ABT1: variants seen among roughly 807,000 people sequenced by gnomAD.
ABT1 encodes the protein activator of basal transcription 1, also known as TATA-binding protein-binding protein.
In ABT1, 13 loss-of-function variants were observed where a neutral mutation model predicts 14.0. That is an observed-to-expected ratio of 0.93 (90% confidence interval 0.61 to 1.48). The LOEUF is 1.48. Ranked by LOEUF, ABT1 falls within the 40% of genes most tolerant of loss-of-function variation. The pLI is 0.00. For missense variants in ABT1, 430 were observed against 380.0 expected (o/e 1.13, Z -1.09); for synonymous variants, 165 against 144.6 (o/e 1.14, Z -1.01).
Position 26,600,575 on chromosome 6 carries a change from C to T in ABT1, c.*1930C>T, listed in dbSNP as rs1561911102. 6.6e-6 allele frequency: 1 copy of T among 152,172 alleles called. No homozygotes were observed. The highest frequency in any genetic ancestry group is 1.5e-5 in the Non-Finnish European group (1 of 68,026). 9.4% of individuals were successfully genotyped at this position (152,172 alleles called of 1,614,324 possible). ...TGGGTGGAAGAAAATATCCTAGGAA[C>T]TTTCATCTTGACTTTAAGCCCATTG... is the stretch of plus-strand genomic sequence containing the variant. On this transcript the variant is annotated 3_prime_UTR_variant, in exon 3 of 3. Coordinates refer to ENST00000274849, the MANE Select transcript of ABT1 (RefSeq NM_013375.4).
Position 26,597,143 on chromosome 6 carries a change from C to T in ABT1, c.161C>T (p.Pro54Leu), listed in dbSNP as rs781843884. ...GGTATTGTGTACCTGGGCCATATCC[C>T]GCCGCGCTTCCGGCCCCTGCACGTC... ...VPGIVYLGHI[P>L]PRFRPLHVRN... Residue 54 changes from proline to leucine, a missense_variant, in exon 1 of 3, where the codon CCG (proline) becomes CTG (leucine). Pro to Leu is a moderately conservative substitution (Grantham distance 98). Transcript: ENST00000274849. 6.2e-7 allele frequency: 1 copy of T among 1,614,198 alleles called. No individual in the cohort carries two copies.
Position 26,598,603 on chromosome 6 carries a change from C to T in ABT1, c.777C>T (p.Pro259=). 6.3e-7 allele frequency: 1 copy of T among 1,594,180 alleles called. No individual in the cohort carries two copies. Among genetic ancestry groups the T allele is most frequent in the African/African-American group, 1.3e-5 (1 of 74,600 alleles). ...LLARIFGAPP[P]SESMEGPSLV... ...CCAGGATCTTTGGAGCCCCGCCACCCTCAGAGAGCATGGAGGGACCTTCCC... is the reference window on the plus strand; with the variant it reads ...CCAGGATCTTTGGAGCCCCGCCACCTTCAGAGAGCATGGAGGGACCTTCCC... Residue 259 remains proline, a synonymous_variant, in exon 3 of 3, where the codon CCC becomes CCT. Transcript: ENST00000274849.
At chr6:26,597,293 C>T in intron 1 of ABT1, 70 bp downstream of exon 1, 4 of 1,568,576 alleles carry the variant, frequency 2.6e-6, no homozygotes, top group Non-Finnish European at 3.5e-6. Flanking sequence ...GCATGCATGT[C>T]CTGTTGCTTC....
At chr6:26,597,725 T>A (rs947867661) in intron 1 of ABT1, among the ~76,000 whole-genome samples, 189 bp from the exon 2 acceptor site, 5 of 151,504 alleles carry the variant, frequency 3.3e-5, no homozygotes, top group Non-Finnish European at 1.5e-5. Context: ...GATTAAGGAG[T>A]GGACAATTAA....
At position 26,598,042 on chromosome 6, in the gene ABT1, A is replaced by G. The variant is rs782002448; in HGVS notation, c.370A>G (p.Ser124Gly). ...GCGCATAGCCAAGCGCGTGGCGGCC[A>G]GTCTACACAACACGCCTATGGGTGC... ...DKRIAKRVAA[S>G]LHNTPMGARR... Residue 124 changes from serine (S) to glycine (G), a missense_variant, in exon 2 of 3, where the codon AGT becomes GGT. Coordinates refer to ENST00000274849, the MANE Select transcript of ABT1 (RefSeq NM_013375.4). 2.5e-6 allele frequency: 4 copies of G among 1,614,200 alleles called. No individual in the cohort carries two copies. The Admixed American group carries it at 5.0e-5, about 20-fold the overall frequency.
rs1581470869 is a variant in ABT1 at position 26,599,784 on chromosome 6, A to G, written c.*1139A>G. The G allele has an allele frequency of 6.6e-6, 1 of 152,168 alleles. No individual in the cohort carries two copies. Among genetic ancestry groups the G allele is most frequent in the East Asian group, 1.9e-4 (1 of 5,198 alleles). The allele number at this position is 152,168 out of a possible 1,614,324, so 9.4% of individuals were successfully genotyped here. On this transcript the variant is annotated 3_prime_UTR_variant, in exon 3 of 3. Transcript: ENST00000274849. ...GTGTAAGCCACTAAAAGGAACTGAAAACCTAGGTGTCACAATAAACAGTCT... is the reference window on the plus strand; with the variant it reads ...GTGTAAGCCACTAAAAGGAACTGAAGACCTAGGTGTCACAATAAACAGTCT...
In ABT1 at chr6:26,598,908, G is replaced by T; in HGVS notation, c.*263G>T. On this transcript the variant is annotated 3_prime_UTR_variant, in exon 3 of 3. Coordinates refer to ENST00000274849, the MANE Select transcript of ABT1 (RefSeq NM_013375.4). The stretch of plus-strand genomic sequence containing the variant: ...TGCTTGTTTTGTTTGACTCTTGGCT[G>T]CCTACGTCTGTAGGGTCCCCTGAAA... 1 of 360,230 alleles carries T rather than the reference G, an allele frequency of 2.8e-6. No homozygotes were observed. The allele number at this position is 360,230 out of a possible 1,614,324, so 22.3% of individuals were successfully genotyped here.
At chr6:26,597,686 C>G (rs1402423532) in intron 1 of ABT1, among the ~76,000 whole-genome samples, 1 of 152,064 alleles carries the variant, frequency 6.6e-6, no homozygotes, top group Non-Finnish European at 1.5e-5. Flanking sequence ...GGACTTGTGC[C>G]GGTTTTAAGC....
Position 26,598,571 on chromosome 6 carries a change from C to T in ABT1, c.745C>T (p.Leu249Phe). The change falls in exon 3 of 3, where the codon CTC becomes TTC. Residue 249 changes from leucine to phenylalanine, a missense_variant. Leu to Phe is a conservative substitution (Grantham distance 22). Coordinates refer to ENST00000274849, the MANE Select transcript of ABT1 (RefSeq NM_013375.4). ...GGACAAGGCCCGCTCCAACAAAGGG[C>T]TCCTGGCCAGGATCTTTGGAGCCCC... ...AQDKARSNKGLLARIFGAPPP... is the reference protein window; with the variant it reads ...AQDKARSNKGFLARIFGAPPP... The T allele has an allele frequency of 3.1e-6, 5 of 1,605,756 alleles. No homozygotes were observed. Among genetic ancestry groups the T allele is most frequent in the Non-Finnish European group, 4.3e-6 (5 of 1,173,782 alleles).
chr6:26,597,889 AC>A (rs1554144667), intron 1 of ABT1, 24 bp from the exon 2 acceptor site: 1 of 1,593,474 alleles, frequency 6.3e-7, no homozygotes, highest in Admixed American at 1.7e-5. Flanking sequence ...GGCGTCCTGG[AC>A]GGGTCTTTGT....
rs972992799 is a variant in ABT1 at position 26,597,891 on chromosome 6, G to A, written c.242-23G>A. ...TGAGTGCTGCATAGGCGTCCTGGAC[G>A]GGTCTTTGTCTTTGGCGCGCAGACC... On this transcript the variant is annotated intron_variant, in intron 1 of 2. Coordinates refer to ENST00000274849, the MANE Select transcript of ABT1 (RefSeq NM_013375.4). 12 of 1,594,650 alleles carry A rather than the reference G, an allele frequency of 7.5e-6. No individual in the cohort carries two copies. The Middle Eastern group carries it at 5.0e-4, about 67-fold the overall frequency.
Position 26,598,675 on chromosome 6 carries a change from C to T in ABT1, c.*30C>T. 1.3e-6 allele frequency: 2 copies of T among 1,512,648 alleles called. No homozygotes were observed. Among genetic ancestry groups the T allele is most frequent in the Non-Finnish European group, 1.8e-6 (2 of 1,132,756 alleles). 93.7% of individuals were successfully genotyped at this position (1,512,648 alleles called of 1,614,324 possible). A position where few individuals can be genotyped will look rare whatever the true frequency, so the allele number is the denominator to read the frequency against. On this transcript the variant is annotated 3_prime_UTR_variant, in exon 3 of 3. Coordinates refer to ENST00000274849, the MANE Select transcript of ABT1 (RefSeq NM_013375.4). ...CTGGGTGGCCCCTTCCATTTCCTGG[C>T]CCTGCTCTGCTTCCTGTCTACCTCA...
At position 26,597,968 on chromosome 6, in the gene ABT1, G is replaced by T; in HGVS notation, c.296G>T (p.Arg99Leu). The change falls in exon 2 of 3, where the codon CGG becomes CTG. Residue 99 changes from arginine to leucine, a missense_variant. By Grantham distance (102) the Arg-to-Leu change is moderately radical. Coordinates refer to ENST00000274849, the MANE Select transcript of ABT1 (RefSeq NM_013375.4). ...KAAAAAGGKK[R>L]SYTKDYTEGW... The stretch of plus-strand genomic sequence containing the variant: ...GCAGCAGCTGCCGGAGGAAAAAAGC[G>T]GTCCTACACCAAGGACTACACCGAG... 1.9e-6 allele frequency: 3 copies of T among 1,613,792 alleles called. No individual in the cohort carries two copies. The highest frequency in any genetic ancestry group is 2.2e-5 in the South Asian group (2 of 91,054).
At chr6:26,597,839 T>G in intron 1 of ABT1, 75 bp from the exon 2 acceptor site, 9 of 1,439,864 alleles carry the variant, frequency 6.3e-6, no homozygotes, top group Non-Finnish European at 8.4e-6. Context: ...GTGAAGAACG[T>G]TGCGGGCAGT....
At position 26,599,814 on chromosome 6, in the gene ABT1, A is replaced by G. The variant is rs1764952515; in HGVS notation, c.*1169A>G. On this transcript the variant is annotated 3_prime_UTR_variant, in exon 3 of 3. Coordinates refer to ENST00000274849, the MANE Select transcript of ABT1 (RefSeq NM_013375.4). ...AGGTGTCACAATAAACAGTCTACACAGTCTCACGTAGACCAAAATTCTGAT... is the reference window on the plus strand; with the variant it reads ...AGGTGTCACAATAAACAGTCTACACGGTCTCACGTAGACCAAAATTCTGAT... The G allele has an allele frequency of 6.6e-6, 1 of 152,264 alleles. No individual in the cohort carries two copies. Among genetic ancestry groups the G allele is most frequent in the Non-Finnish European group, 1.5e-5 (1 of 68,050 alleles). The allele number at this position is 152,264 out of a possible 1,614,324, so 9.4% of individuals were successfully genotyped here.
chr6:26,597,199 G>A lies in ABT1; in HGVS notation c.217G>A (p.Gly73Arg). The A allele has an allele frequency of 3.1e-6, 5 of 1,614,224 alleles. No homozygotes were observed. Among genetic ancestry groups the A allele is most frequent in the Non-Finnish European group, 4.2e-6 (5 of 1,180,038 alleles). Residue 73 changes from glycine to arginine, a missense_variant, in exon 1 of 3, where the codon GGA (glycine) becomes AGA (arginine). By Grantham distance (125) the Gly-to-Arg change is moderately radical (BLOSUM62 -2). Transcript: ENST00000274849. ...RNLLSAYGEVGRVFFQAEDRF... is the reference protein window; with the variant it reads ...RNLLSAYGEVRRVFFQAEDRF... ...CCTTCTCAGCGCCTATGGCGAGGTC[G>A]GACGCGTCTTCTTTCAGGCTGAGGG...
rs1379246052 is a variant in ABT1 at position 26,598,103 on chromosome 6, A to C, written c.431A>C (p.Asn144Thr). The change falls in exon 2 of 3, where the codon AAC (asparagine) becomes ACC (threonine). Residue 144 changes from asparagine (N) to threonine (T), a missense_variant. Physicochemically the swap from Asn to Thr is moderately conservative, Grantham distance 65 (BLOSUM62 0). Transcript: ENST00000274849. Reference protein sequence around the residue: ...RRSPFRYDLWNLKYLHRFTWS... With the variant: ...RRSPFRYDLWTLKYLHRFTWS... Reference sequence around the variant, plus strand: ...AGCCCCTTCCGTTATGATCTTTGGAACCTCAAGGTGAGAAGATAGATCTTT... The same window carrying C: ...AGCCCCTTCCGTTATGATCTTTGGACCCTCAAGGTGAGAAGATAGATCTTT... The C allele has an allele frequency of 2.5e-6, 4 of 1,608,202 alleles. No homozygotes were observed. Among genetic ancestry groups the C allele is most frequent in the Non-Finnish European group, 2.6e-6 (3 of 1,175,536 alleles).
chr6:26,598,197 T>G (rs1284136442), intron 2 of ABT1, 68 bp from the exon 3 acceptor site: 1 of 1,573,568 alleles, frequency 6.4e-7, no homozygotes, highest in Non-Finnish European at 8.7e-7. Flanking sequence ...CTCATTGGCC[T>G]TGTCCCCTTG....
In ABT1 at chr6:26,598,539, C is replaced by G. The variant is rs782032402; in HGVS notation, c.713C>G (p.Thr238Ser). 1 of 1,613,388 alleles carries G rather than the reference C, an allele frequency of 6.2e-7. No individual in the cohort carries two copies. Among genetic ancestry groups the G allele is most frequent in the South Asian group, 1.1e-5 (1 of 91,072 alleles). ...GGACGTGAACGGGCTCGCCTGGCAACTGCCCAGGACAAGGCCCGCTCCAAC... is the reference window on the plus strand; with the variant it reads ...GGACGTGAACGGGCTCGCCTGGCAAGTGCCCAGGACAAGGCCCGCTCCAAC... ...PGGRERARLATAQDKARSNKG... is the reference protein window; with the variant it reads ...PGGRERARLASAQDKARSNKG... The change falls in exon 3 of 3, where the codon ACT (threonine) becomes AGT (serine). Residue 238 changes from threonine to serine, a missense_variant. Physicochemically the swap from Thr to Ser is moderately conservative, Grantham distance 58. Coordinates refer to ENST00000274849, the MANE Select transcript of ABT1 (RefSeq NM_013375.4).
Sources: allele counts gnomAD v4.1 joint callset (sites outside exome capture counted in the v4.1 genomes callset), GRCh38; gene constraint gnomAD v4.1.1; transcripts MANE v1.5; gene names NCBI Gene and HGNC (gene_info 2026-07-23, HGNC 2026-07-21).